Variants in NOTCH2 observed in about 807,000 individuals in gnomAD.
NOTCH2 encodes neurogenic locus notch homolog protein 2.
In NOTCH2, 29 loss-of-function variants were observed where a neutral mutation model predicts 235.8. The observed-to-expected ratio is 0.12, with a 90% CI of 0.09 to 0.17. The LOEUF (loss-of-function observed/expected upper bound fraction) is 0.17, where lower values mean the gene tolerates loss of function less well. Ranked by LOEUF, NOTCH2 falls within the 10% of genes least tolerant of loss-of-function variation. The pLI is 1.00. For missense variants in NOTCH2, 2,285 were observed against 3,150.2 expected, an observed-to-expected ratio of 0.73 and a Z score of 6.57; for synonymous variants, 1,086 against 1,141.5, an observed-to-expected ratio of 0.95 and a Z score of 0.98.
chr1:119,915,986 G>C lies in NOTCH2; in HGVS notation c.6736C>G (p.Pro2246Ala), dbSNP rs2101143226. 1 of 1,613,958 alleles carries C rather than the reference G, an allele frequency of 6.2e-7. No individual in the cohort carries two copies. Among genetic ancestry groups the C allele is most frequent in the Non-Finnish European group, 8.5e-7 (1 of 1,180,036 alleles). Reference protein sequence around the residue: ...GSAGSLSRLHPVPVPADWMNR... With the variant: ...GSAGSLSRLHAVPVPADWMNR... ...ATCCAATCTGCTGGGACTGGGACTG[G>C]ATGGAGCCTACTCAAGCTTCCAGCA... is the stretch of plus-strand genomic sequence containing the variant. The change falls in exon 34 of 34, where the codon CCA becomes GCA. Residue 2246 changes from proline (P) to alanine (A), a missense_variant. This residue lies in a region of NOTCH2 where 504 missense variants were observed against 538.0 expected (regional missense o/e 0.94). Coordinates refer to ENST00000256646, the MANE Select transcript of NOTCH2 (RefSeq NM_024408.4).
rs1360019251 is a variant in NOTCH2 at position 119,911,855 on chromosome 1, T to C, written c.*3451A>G. The C allele has an allele frequency of 2.1e-5, 5 of 233,148 alleles. No individual in the cohort carries two copies. The highest frequency in any genetic ancestry group is 8.8e-5 in the African/African-American group (4 of 45,360). 14.4% of individuals were successfully genotyped at this position (233,148 alleles called of 1,614,324 possible). A position where few individuals can be genotyped will look rare whatever the true frequency, so the allele number is the denominator to read the frequency against. ...CACAGAAGAGTGCTCAGTTTTGTGA[T>C]GTTTCCTATTTGACAGATGCTTTTT... On this transcript the variant is annotated 3_prime_UTR_variant, in exon 34 of 34. Transcript: ENST00000256646.
At chr1:120,051,271 A>G (rs1452863918) in intron 1 of NOTCH2, among the ~76,000 whole-genome samples, 21 of 102,988 alleles carry the variant, frequency 2.0e-4, no homozygotes, top group Non-Finnish European at 2.9e-4. Context: ...ACACACACAC[A>G]CACGCACACA....
rs587681052 is a variant in NOTCH2 at position 120,023,952 on chromosome 1, G to A, written c.155+5954C>T. Among the ~76,000 whole-genome samples the A allele has an allele frequency of 6.0e-4, 92 of 152,066 alleles. 1 individual carries two copies. The highest frequency in any genetic ancestry group is 6.8e-3 in the Middle Eastern group (2 of 294). On this transcript the variant is annotated intron_variant, in intron 2 of 33. Transcript: ENST00000256646. ...CTGTTATATGTGGTACTCATAAATAGCATGCAATAAATAACTCTTGAATTA... is the reference window on the plus strand; with the variant it reads ...CTGTTATATGTGGTACTCATAAATAACATGCAATAAATAACTCTTGAATTA...
At chr1:119,928,587 C>T (rs748049134) in intron 23 of NOTCH2, among the ~76,000 whole-genome samples, 166 of 152,266 alleles carry the variant, frequency 1.1e-3, no homozygotes, top group Non-Finnish European at 1.8e-3. Context: ...ACAACAATGT[C>T]AATGTACTAA....
At chr1:119,931,650 C>T (rs953475054) in intron 22 of NOTCH2, among the ~76,000 whole-genome samples, 3 of 151,898 alleles carry the variant, frequency 2.0e-5, no homozygotes, top group Non-Finnish European at 1.5e-5. Context: ...GCAAAGGTGC[C>T]ATCTCAAATC....
Position 120,005,325 on chromosome 1 carries a change from T to C in NOTCH2, c.415+4A>G. On this transcript the variant is annotated splice_donor_region_variant and intron_variant, in intron 3 of 33. Coordinates refer to ENST00000256646, the MANE Select transcript of NOTCH2 (RefSeq NM_024408.4). ...AAACCACTGGCTTTGGTCTCATTAG[T>C]TACCTGTAAACCCGACTTGACAGGT... The C allele has an allele frequency of 6.2e-7, 1 of 1,614,050 alleles. No individual in the cohort carries two copies. The highest frequency in any genetic ancestry group is 8.5e-7 in the Non-Finnish European group (1 of 1,179,872).
intron 3 of NOTCH2, among the ~76,000 whole-genome samples, chr1:119,999,820 T>G (rs1438112609): frequency 2.0e-5 from 3 of 151,156 alleles, no homozygotes; most frequent in Non-Finnish European, 4.4e-5. Context: ...AGGTGGAGGT[T>G]GCAGTGAGCC....
rs587637434 is a variant in NOTCH2, at chr1:119,925,968, G to A, written c.4006-158C>T. 1.8e-4 allele frequency among the ~76,000 whole-genome samples: 27 copies of A among 152,274 alleles called. 1 individual carries two copies. Among genetic ancestry groups the A allele is most frequent in the Middle Eastern group, 3.4e-3 (1 of 294 alleles). ...GACAGGTTTCCTTTTGGTATCTCCC[G>A]AGGCATAGGGATCTCTTGTTTTGGG... is the stretch of plus-strand genomic sequence containing the variant. On this transcript the variant is annotated intron_variant, in intron 24 of 33. Coordinates refer to ENST00000256646, the MANE Select transcript of NOTCH2 (RefSeq NM_024408.4).
intron 12 of NOTCH2, among the ~76,000 whole-genome samples, chr1:119,956,399 T>A (rs1650702616): frequency 6.6e-6 from 1 of 152,242 alleles, no homozygotes; most frequent in Non-Finnish European, 1.5e-5. Flanking sequence ...AGCAATCCTG[T>A]ATTTAGAATA....
intron 5 of NOTCH2, among the ~76,000 whole-genome samples, chr1:119,977,667 C>A (rs1262039393): frequency 6.6e-6 from 1 of 152,122 alleles, no homozygotes; most frequent in African/African-American, 2.4e-5. Flanking sequence ...ATGTGCTTTA[C>A]ATTGATTGTC....
chr1:119,940,499 G>C (rs1650026166), intron 19 of NOTCH2, 56 bp downstream of exon 19: 1 of 1,458,852 alleles, frequency 6.9e-7, no homozygotes, highest in African/African-American at 1.4e-5. Flanking sequence ...AAAGTGAACA[G>C]GTATAATATT....
intron 29 of NOTCH2, 74 bp from the exon 30 acceptor site, chr1:119,920,471 C>T (rs1649245637): frequency 6.7e-7 from 1 of 1,489,460 alleles, no homozygotes; most frequent in Non-Finnish European, 9.4e-7. Flanking sequence ...TGTCCAGAGC[C>T]TCCACCACCG....
At chr1:119,955,296 A>G in intron 12 of NOTCH2, 64 bp from the exon 13 acceptor site, 11 of 1,525,878 alleles carry the variant, frequency 7.2e-6, no homozygotes, top group Non-Finnish European at 1.0e-5. Flanking sequence ...CCAGAACTAT[A>G]AGACACGTTA....
chr1:119,985,870 TAGG>T (rs782187189), intron 5 of NOTCH2, among the ~76,000 whole-genome samples: 12 of 152,150 alleles, frequency 7.9e-5, no homozygotes, highest in Non-Finnish European at 1.6e-4. Flanking sequence ...GAAGAAATTC[TAGG>T]AGAAGTCCCA....
At chr1:120,000,302 G>A (rs797024407) in intron 3 of NOTCH2, among the ~76,000 whole-genome samples, 1 of 152,100 alleles carries the variant, frequency 6.6e-6, no homozygotes, top group Non-Finnish European at 1.5e-5. Flanking sequence ...TTGGGAGGCC[G>A]AGGCAGGTGG....
intron 28 of NOTCH2, 135 bp downstream of exon 28, chr1:119,922,101 C>A: frequency 9.7e-7 from 1 of 1,032,936 alleles, no homozygotes; most frequent in Non-Finnish European, 1.5e-6. Context: ...CAGTCACTCA[C>A]AAGGCATTTA....
chr1:119,950,338 T>C (rs1301162429), intron 15 of NOTCH2: 9 of 371,352 alleles, frequency 2.4e-5, no homozygotes, highest in Non-Finnish European at 4.7e-5. Context: ...TAATCCAAAG[T>C]ACAAAAAGTG....
intron 10 of NOTCH2, among the ~76,000 whole-genome samples, chr1:119,964,024 T>G (rs1553199352): frequency 1.3e-5 from 2 of 152,200 alleles, no homozygotes; most frequent in African/African-American, 4.8e-5. Context: ...ATTTTAGAAT[T>G]GAAATACCTT....
At chr1:119,978,519 T>C (rs1202800664) in intron 5 of NOTCH2, among the ~76,000 whole-genome samples, 4 of 152,152 alleles carry the variant, frequency 2.6e-5, no homozygotes, top group East Asian at 1.9e-4. Context: ...GTGGCCACTA[T>C]TGGCCACTAT....
Sources: gnomAD v4.1 joint callset for allele counts (sites outside exome capture counted in the v4.1 genomes callset) on GRCh38, gnomAD v4.1.1 for gene constraint, gnomAD v4.1.1 regional missense constraint, MANE v1.5 for transcripts, NCBI Gene and HGNC (gene_info 2026-07-23, HGNC 2026-07-21) for gene names.